TMPRSS11A: variants seen among roughly 807,000 people sequenced by gnomAD.
TMPRSS11A encodes transmembrane protease serine 11A.
TMPRSS11A carries 53 observed loss-of-function variants against 58.9 expected under a neutral mutation model. That is an observed-to-expected ratio of 0.90 (90% CI 0.72 to 1.13). The LOEUF (loss-of-function observed/expected upper bound fraction) is 1.13, where lower values mean the gene tolerates loss of function less well. Ranked by LOEUF, TMPRSS11A falls within the 50% of genes most tolerant of loss-of-function variation. TMPRSS11A has a pLI of 0.00. For synonymous variants in TMPRSS11A, 167 were observed against 169.8 expected (o/e 0.98, Z 0.13); for missense variants, 493 against 499.3 (o/e 0.99, Z 0.12).
In TMPRSS11A at chr4:67,915,053, C is replaced by T. The variant is rs1345027421; in HGVS notation, c.953-323G>A. 3.3e-5 allele frequency among the ~76,000 whole-genome samples: 5 copies of T among 152,104 alleles called. No homozygotes were observed. The East Asian group carries it at 9.6e-4, about 29-fold the overall frequency. ...TTTGTAAAGCTTTTATTTGTGGGTTCCAGATTGTTCCCAGAAACTCTGCAT... is the reference window on the plus strand; with the variant it reads ...TTTGTAAAGCTTTTATTTGTGGGTTTCAGATTGTTCCCAGAAACTCTGCAT... On this transcript the variant is annotated intron_variant, in intron 8 of 9. Transcript: ENST00000508048.
chr4:67,959,704 A>T (rs1283171166), intron 1 of TMPRSS11A, among the ~76,000 whole-genome samples: 1 of 152,242 alleles, frequency 6.6e-6, no homozygotes, highest in Non-Finnish European at 1.5e-5. Context: ...AGAAAAGGGA[A>T]TTTTTATACA....
Position 67,922,781 on chromosome 4 carries a change from A to C in TMPRSS11A, c.666T>G (p.Leu222=), listed in dbSNP as rs750119671. 2 of 1,614,128 alleles carry C rather than the reference A, an allele frequency of 1.2e-6. No homozygotes were observed. The highest frequency in any genetic ancestry group is 4.5e-5 in the East Asian group (2 of 44,874). Residue 222 remains leucine, a synonymous_variant, in exon 7 of 10, where the codon CTT becomes CTG. Coordinates refer to ENST00000508048, the MANE Select transcript of TMPRSS11A (RefSeq NM_001114387.2). Reference sequence around the variant, plus strand: ...TCTGGAAGCAGTGTGCTGCAGTGACAAGCCATGTGTTACTAATCAAGGTGG... The same window carrying C: ...TCTGGAAGCAGTGTGCTGCAGTGACCAGCCATGTGTTACTAATCAAGGTGG... The part of the protein sequence containing the change: ...CGATLISNTW[L]VTAAHCFQKY...
rs1215259807 is a variant in TMPRSS11A, at chr4:67,963,256, T to TA, written c.11+126dup. 1.3e-5 allele frequency: 11 copies of TA among 829,114 alleles called. No individual in the cohort carries two copies. The South Asian group carries it at 1.7e-4, about 13-fold the overall frequency. The allele number at this position is 829,114 out of a possible 1,614,324, so 51.4% of individuals were successfully genotyped here. On this transcript the variant is annotated intron_variant, in intron 1 of 9. Transcript: ENST00000508048. ...GGATGCTATGATAATTCCAGAAATT[T>TA]AAAAAAATCCAGTGCAGATTGAATC...
At position 67,962,016 on chromosome 4, in the gene TMPRSS11A, A is replaced by G. The variant is rs528293678; in HGVS notation, c.11+1367T>C. Among the ~76,000 whole-genome samples, 4 of 152,296 alleles carry G rather than the reference A, an allele frequency of 2.6e-5. No homozygotes were observed. The East Asian group carries it at 7.7e-4, about 29-fold the overall frequency. ...AGAATATGAAATATGAAAAACTGGA[A>G]ATCCTGTTTTACAATATCATGATTC... On this transcript the variant is annotated intron_variant, in intron 1 of 9. Transcript: ENST00000508048.
intron 9 of TMPRSS11A, among the ~76,000 whole-genome samples, chr4:67,914,354 T>G (rs1326972661): frequency 6.6e-6 from 1 of 152,228 alleles, no homozygotes; most frequent in Admixed American, 6.5e-5. Flanking sequence ...TATTAATCTT[T>G]GGATTTCTGG....
rs376811083 is a variant in TMPRSS11A at position 67,924,106 on chromosome 4, T to C, written c.520+22A>G. On this transcript the variant is annotated intron_variant, in intron 6 of 9. Transcript: ENST00000508048. ...TTCTGATGTGAAAATTGAACTTGTTTATATAAGCTAACTTGACTTACTTGC... is the reference window on the plus strand; with the variant it reads ...TTCTGATGTGAAAATTGAACTTGTTCATATAAGCTAACTTGACTTACTTGC... 6.8e-6 allele frequency: 11 copies of C among 1,606,030 alleles called. No individual in the cohort carries two copies. In the African/African-American group the frequency reaches 1.1e-4, roughly 16 times the overall value.
intron 1 of TMPRSS11A, among the ~76,000 whole-genome samples, chr4:67,947,828 A>G (rs1261922016): frequency 6.6e-6 from 1 of 152,206 alleles, no homozygotes; most frequent in Admixed American, 6.5e-5. Flanking sequence ...CTAAGACCCA[A>G]TAAGGCACCT....
chr4:67,940,889 T>C (rs112973836), intron 3 of TMPRSS11A, among the ~76,000 whole-genome samples: 2 of 152,308 alleles, frequency 1.3e-5, no homozygotes, highest in South Asian at 4.1e-4. Context: ...CATGTATACT[T>C]AGGCAGCTTA....
chr4:67,925,063 A>G (rs1720430849), intron 5 of TMPRSS11A, among the ~76,000 whole-genome samples: 1 of 151,918 alleles, frequency 6.6e-6, no homozygotes, highest in African/African-American at 2.4e-5. Flanking sequence ...TTTTAAACAC[A>G]GTTCCTAAAT....
chr4:67,962,606 A>G (rs1721460498), intron 1 of TMPRSS11A, among the ~76,000 whole-genome samples: 1 of 152,218 alleles, frequency 6.6e-6, no homozygotes, highest in Non-Finnish European at 1.5e-5. Flanking sequence ...TGGCTATTAA[A>G]GGAAATAACA....
intron 3 of TMPRSS11A, among the ~76,000 whole-genome samples, chr4:67,942,065 A>T (rs1266854669): frequency 6.6e-6 from 1 of 152,214 alleles, no homozygotes; most frequent in Non-Finnish European, 1.5e-5. Flanking sequence ...GGCAAATAAT[A>T]TGTACAGGCA....
chr4:67,938,861 CTTTTTT>C (rs1221304447), intron 3 of TMPRSS11A, among the ~76,000 whole-genome samples: 2 of 145,398 alleles, frequency 1.4e-5, no homozygotes, highest in African/African-American at 2.5e-5. Flanking sequence ...TGGCTCTGTT[CTTTTTT>C]ATTAGGAGTC....
At chr4:67,911,815 G>A (rs1481919330) in intron 9 of TMPRSS11A, among the ~76,000 whole-genome samples, 1 of 152,062 alleles carries the variant, frequency 6.6e-6, no homozygotes, top group African/African-American at 2.4e-5. Context: ...TTCTCCAAGA[G>A]GTAGCCACTT....
At position 67,946,538 on chromosome 4, in the gene TMPRSS11A, C is replaced by A; in HGVS notation, c.45G>T (p.Leu15=). 1 of 1,611,528 alleles carries A rather than the reference C, an allele frequency of 6.2e-7. No individual in the cohort carries two copies. The highest frequency in any genetic ancestry group is 8.5e-7 in the Non-Finnish European group (1 of 1,178,858). Reference sequence around the variant, plus strand: ...TGAGAACGGCAATCATCCATGGCTTCAGATTTCTGCTTCGGGTGCCAAATC... The same window carrying A: ...TGAGAACGGCAATCATCCATGGCTTAAGATTTCTGCTTCGGGTGCCAAATC... ...TVGFGTRSRN[L]KPWMIAVLIV... The change falls in exon 2 of 10, where the codon CTG becomes CTT. Residue 15 remains leucine (L), a synonymous_variant. Coordinates refer to ENST00000508048, the MANE Select transcript of TMPRSS11A (RefSeq NM_001114387.2).
At chr4:67,916,565 G>A (rs1300371610) in intron 8 of TMPRSS11A, among the ~76,000 whole-genome samples, 1 of 152,014 alleles carries the variant, frequency 6.6e-6, no homozygotes, top group Non-Finnish European at 1.5e-5. Flanking sequence ...GGTGGCTCAC[G>A]CCTGTAATCC....
chr4:67,922,496 T>A (rs1037825982), intron 7 of TMPRSS11A, among the ~76,000 whole-genome samples: 1 of 152,210 alleles, frequency 6.6e-6, no homozygotes, highest in Admixed American at 6.5e-5. Context: ...TGTCACAAAA[T>A]AGTTCTGATT....
At chr4:67,940,713 C>G (rs1720860380) in intron 3 of TMPRSS11A, among the ~76,000 whole-genome samples, 1 of 152,106 alleles carries the variant, frequency 6.6e-6, no homozygotes, top group African/African-American at 2.4e-5. Context: ...GTTTTGTGTC[C>G]TCTGCTTCAC....
At position 67,914,601 on chromosome 4, in the gene TMPRSS11A, T is replaced by C; in HGVS notation, c.1082A>G (p.Tyr361Cys). The C allele has an allele frequency of 6.2e-7, 1 of 1,613,704 alleles. No individual in the cohort carries two copies. The highest frequency in any genetic ancestry group is 8.5e-7 in the Non-Finnish European group (1 of 1,179,792). Residue 361 changes from tyrosine to cysteine, a missense_variant, in exon 9 of 10, where the codon TAT becomes TGT. Physicochemically the swap from Tyr to Cys is radical, Grantham distance 194. Transcript: ENST00000508048. ...CCTCCAACTTACCCTGCAGGCATCA[T>C]AAATTCCTTCCATATATCCGGCACA... ...MFCAGYMEGI[Y>C]DACRGDSGGP... is the part of the protein sequence containing the mutation.
Position 67,918,304 on chromosome 4 carries a change from A to G in TMPRSS11A, c.952+669T>C, listed in dbSNP as rs184881672. Among the ~76,000 whole-genome samples the G allele has an allele frequency of 8.6e-3, 1,311 of 152,316 alleles. 14 individuals carry two copies. The highest frequency in any genetic ancestry group is 0.03 in the African/African-American group (1,231 of 41,566). ...TAGAACATTCAGTAACTAAATCATCATTATTTCTTACAAGACTAAGTTAGT... is the reference window on the plus strand; with the variant it reads ...TAGAACATTCAGTAACTAAATCATCGTTATTTCTTACAAGACTAAGTTAGT... On this transcript the variant is annotated intron_variant, in intron 8 of 9. Coordinates refer to ENST00000508048, the MANE Select transcript of TMPRSS11A (RefSeq NM_001114387.2).
Sources: gnomAD v4.1 joint callset for allele counts (sites outside exome capture counted in the v4.1 genomes callset) on GRCh38, gnomAD v4.1.1 for gene constraint, MANE v1.5 for transcripts, NCBI Gene and HGNC (gene_info 2026-07-23, HGNC 2026-07-21) for gene names.